Variants in ARHGAP39 observed in about 807,000 individuals in gnomAD.
ARHGAP39 encodes Rho GTPase activating protein 39.
In ARHGAP39, 44 loss-of-function variants were observed where a neutral mutation model predicts 106.9. The observed-to-expected ratio is 0.41, with a 90% CI of 0.32 to 0.53. The LOEUF (loss-of-function observed/expected upper bound fraction) is 0.53, where lower values mean the gene tolerates loss of function less well. Among genes scored for constraint, ARHGAP39 ranks in the 20% least tolerant of loss-of-function variants. ARHGAP39 has a pLI of 0.21. For missense variants in ARHGAP39, 1,496 were observed against 1,577.3 expected, an observed-to-expected ratio of 0.95 and a Z score of 0.87; for synonymous variants, 768 against 693.2, an observed-to-expected ratio of 1.11 and a Z score of -1.69.
Position 144,644,296 on chromosome 8 carries a change from A to G in ARHGAP39, c.-81-38601T>C, listed in dbSNP as rs1218127317. On this transcript the variant is annotated intron_variant, in intron 1 of 11. Transcript: ENST00000377307. The surrounding 1 kb of genome is among the most constrained non-coding windows in gnomAD (Gnocchi z 4.8). ...CTGGAGAAAGTGTTTTAAAAAACAA[A>G]AGAAAGCAGGCAACAAAGTCAGACA... Among the ~76,000 whole-genome samples, 1 of 152,164 alleles carries G rather than the reference A, an allele frequency of 6.6e-6. No individual in the cohort carries two copies. The highest frequency in any genetic ancestry group is 1.5e-5 in the Non-Finnish European group (1 of 68,036).
At chr8:144,616,864 A>T (rs1054810449) in intron 1 of ARHGAP39, among the ~76,000 whole-genome samples, 1 of 152,226 alleles carries the variant, frequency 6.6e-6, no homozygotes, top group African/African-American at 2.4e-5. Flanking sequence ...ACTACCATAT[A>T]TGCCCAATGC....
upstream of ARHGAP39, among the ~76,000 whole-genome samples, chr8:144,686,099 T>G (rs1302380335): frequency 1.3e-5 from 2 of 151,702 alleles, no homozygotes; most frequent in Non-Finnish European, 2.9e-5. Flanking sequence ...TGTCTTCCCG[T>G]CTCTTTCGGT....
At chr8:144,573,702 T>C (rs1818666098) in intron 3 of ARHGAP39, among the ~76,000 whole-genome samples, 1 of 152,096 alleles carries the variant, frequency 6.6e-6, no homozygotes, top group Non-Finnish European at 1.5e-5. Context: ...ACAGAAATTA[T>C]CCTTTTGAAG....
intron 2 of ARHGAP39, among the ~76,000 whole-genome samples, chr8:144,589,746 G>A (rs1176744876): frequency 6.6e-6 from 1 of 152,228 alleles, no homozygotes; most frequent in African/African-American, 2.4e-5. Flanking sequence ...CACCCAAGAC[G>A]AGCTCGGAGG....
intron 1 of ARHGAP39, among the ~76,000 whole-genome samples, chr8:144,614,355 T>C (rs1237459344): frequency 8.4e-6 from 1 of 119,098 alleles, no homozygotes; most frequent in Non-Finnish European, 1.6e-5. Context: ...CCTGTTACTA[T>C]TTTTTTTTTT....
At chr8:144,689,728 C>G (rs1822705651), upstream of ARHGAP39, among the ~76,000 whole-genome samples, 1 of 150,950 alleles carries the variant, frequency 6.6e-6, no homozygotes. Context: ...TTGTGAGCCA[C>G]CACACCTGAC....
At chr8:144,554,267 G>A (rs1325934879) in intron 4 of ARHGAP39, among the ~76,000 whole-genome samples, 1 of 152,220 alleles carries the variant, frequency 6.6e-6, no homozygotes, top group East Asian at 1.9e-4. Context: ...GAGTGGCCTG[G>A]TAGGTGTGAG....
At chr8:144,537,405 G>T (rs1206038787) in intron 7 of ARHGAP39, among the ~76,000 whole-genome samples, 1 of 152,070 alleles carries the variant, frequency 6.6e-6, no homozygotes, top group African/African-American at 2.4e-5. Flanking sequence ...TGGGGGTCAG[G>T]CCCAAACACT....
intron 3 of ARHGAP39, among the ~76,000 whole-genome samples, chr8:144,576,549 G>GC (rs892126083): frequency 2.0e-5 from 3 of 152,270 alleles, no homozygotes; most frequent in African/African-American, 4.8e-5. Flanking sequence ...GAACAGCCCC[G>GC]CAAGTGTGGG....
At chr8:144,677,728 A>C (rs1454418227) in intron 1 of ARHGAP39, among the ~76,000 whole-genome samples, 2 of 152,266 alleles carry the variant, frequency 1.3e-5, no homozygotes, top group Non-Finnish European at 2.9e-5. Flanking sequence ...AAAGTTACAA[A>C]GTATCTCTAG....
intron 3 of ARHGAP39, among the ~76,000 whole-genome samples, chr8:144,573,341 C>T (rs1319550326): frequency 6.6e-6 from 1 of 150,922 alleles, no homozygotes; most frequent in Non-Finnish European, 1.5e-5. Flanking sequence ...TCATTCTGAG[C>T]AAACTATCAC....
intron 1 of ARHGAP39, among the ~76,000 whole-genome samples, chr8:144,665,004 C>A (rs1201611520): frequency 6.6e-6 from 1 of 152,190 alleles, no homozygotes; most frequent in Non-Finnish European, 1.5e-5. Flanking sequence ...AAGTCTGGAA[C>A]CTCCTAGAGA....
chr8:144,557,460 C>G (rs1327521968), intron 3 of ARHGAP39, among the ~76,000 whole-genome samples: 1 of 150,210 alleles, frequency 6.7e-6, no homozygotes, highest in Non-Finnish European at 1.5e-5. Context: ...GAGGCAAAGG[C>G]TGAACCTTCG....
Position 144,637,416 on chromosome 8 carries a change from C to T in ARHGAP39, c.-81-31721G>A, listed in dbSNP as rs192479613. Among the ~76,000 whole-genome samples, 306 of 152,152 alleles carry T rather than the reference C, an allele frequency of 2.0e-3. 4 individuals carry two copies. The highest frequency in any genetic ancestry group is 6.8e-3 in the Middle Eastern group (2 of 294). On this transcript the variant is annotated intron_variant, in intron 1 of 11. Transcript: ENST00000377307. ...CATGAGGTCAAGAGATTGAGATTATCCTGGCCAACATGGTGAAACCCGGTC... is the reference window on the plus strand; with the variant it reads ...CATGAGGTCAAGAGATTGAGATTATTCTGGCCAACATGGTGAAACCCGGTC...
chr8:144,549,091 T>C (rs1175992492), intron 4 of ARHGAP39, among the ~76,000 whole-genome samples: 1 of 152,258 alleles, frequency 6.6e-6, no homozygotes, highest in Non-Finnish European at 1.5e-5. Context: ...GGAGTCACGC[T>C]GTCTGCGTCC....
At chr8:144,658,056 T>C (rs896992279) in intron 1 of ARHGAP39, among the ~76,000 whole-genome samples, 1 of 152,214 alleles carries the variant, frequency 6.6e-6, no homozygotes, top group African/African-American at 2.4e-5. Flanking sequence ...AGGGATGATT[T>C]AAAGTACACA....
At chr8:144,561,514 G>A (rs1232498194) in intron 3 of ARHGAP39, among the ~76,000 whole-genome samples, 1 of 151,248 alleles carries the variant, frequency 6.6e-6, no homozygotes, top group African/African-American at 2.5e-5. Flanking sequence ...AGACTCCAGT[G>A]GTTTCCATCA....
chr8:144,690,273 C>T (rs1822715584), upstream of ARHGAP39, among the ~76,000 whole-genome samples: 1 of 152,004 alleles, frequency 6.6e-6, no homozygotes, highest in Non-Finnish European at 1.5e-5. Flanking sequence ...CCACCATGCC[C>T]AGATAATTTT....
In ARHGAP39 at chr8:144,634,993, T is replaced by C. The variant is rs578246532; in HGVS notation, c.-81-29298A>G. 1.6e-4 allele frequency among the ~76,000 whole-genome samples: 24 copies of C among 152,402 alleles called. 1 individual carries two copies. In the Middle Eastern group the frequency reaches 0.01, roughly 65 times the overall value. On this transcript the variant is annotated intron_variant, in intron 1 of 11. Coordinates refer to ENST00000377307, the MANE Select transcript of ARHGAP39 (RefSeq NM_025251.3). The stretch of plus-strand genomic sequence containing the variant: ...TCTCCTTCAGGACTAAGCTCACACA[T>C]TCACTTCTCAGGGAAACATTCTCGA...
Sources: gnomAD v4.1 joint callset for allele counts (sites outside exome capture counted in the v4.1 genomes callset) on GRCh38, gnomAD v4.1.1 for gene constraint, Gnocchi (gnomAD v3.1) non-coding constraint, MANE v1.5 for transcripts, NCBI Gene and HGNC (gene_info 2026-07-23, HGNC 2026-07-21) for gene names.